The following KMT2A variants were observed in gnomAD, a reference collection of about 807,000 sequenced individuals.
KMT2A encodes the protein lysine methyltransferase 2A.
KMT2A carries 16 observed loss-of-function variants against 345.3 expected under a neutral mutation model. That is an observed-to-expected ratio of 0.05 (90% CI 0.03 to 0.07). KMT2A has a LOEUF of 0.07. Ranked by LOEUF, KMT2A falls within the 10% of genes least tolerant of loss-of-function variation. KMT2A has a pLI of 1.00. For synonymous variants in KMT2A, 1,599 were observed against 1,778.6 expected (o/e 0.90, Z 2.54); for missense variants, 3,272 against 4,841.6 (o/e 0.68, Z 9.62).
rs1950442336 is a variant in KMT2A at position 118,498,284 on chromosome 11, G to A, written c.5803-86G>A. ...GATAAAATGAATTGTAGGAACTGTA[G>A]AATGGGATGAGTCTATAGAGGAGAC... On this transcript the variant is annotated intron_variant, in intron 21 of 35. Coordinates refer to ENST00000534358, the MANE Select transcript of KMT2A (RefSeq NM_001197104.2). The surrounding 1 kb of genome is among the most constrained non-coding windows in gnomAD (Gnocchi z 4.4). 2 of 1,288,524 alleles carry A rather than the reference G, an allele frequency of 1.6e-6. No individual in the cohort carries two copies. Among genetic ancestry groups the A allele is most frequent in the South Asian group, 2.8e-5 (2 of 71,126 alleles). The allele number at this position is 1,288,524 out of a possible 1,614,324, so 79.8% of individuals were successfully genotyped here. A position where few individuals can be genotyped will look rare whatever the true frequency, so the allele number is the denominator to read the frequency against.
At position 118,504,260 on chromosome 11, in the gene KMT2A, A is replaced by G. The variant is rs1369046453; in HGVS notation, c.8368A>G (p.Ser2790Gly). The change falls in exon 27 of 36, where the codon AGC becomes GGC. Residue 2790 changes from serine to glycine, a missense_variant. Around this residue, in one of 27 missense-constraint regions of KMT2A, gnomAD observed 100 missense variants for 101.3 expected, o/e 0.99. Transcript: ENST00000534358. This position sits in a 1 kb window ranked among gnomAD's most constrained non-coding sequence, Gnocchi z 6.4. ...EPKMDNCHSV[S>G]RVKTQGQDSL... is the part of the protein sequence containing the mutation. Reference sequence around the variant, plus strand: ...AAAGATGGATAACTGCCATTCTGTAAGCAGAGTTAAAACACAGGGACAAGA... The same window carrying G: ...AAAGATGGATAACTGCCATTCTGTAGGCAGAGTTAAAACACAGGGACAAGA... 2 of 1,614,076 alleles carry G rather than the reference A, an allele frequency of 1.2e-6. No homozygotes were observed. The highest frequency in any genetic ancestry group is 2.2e-5 in the East Asian group (1 of 44,894).
rs2134261302 is a variant in KMT2A, at chr11:118,472,484, G to A, written c.1325G>A (p.Arg442Gln). 2 of 1,613,282 alleles carry A rather than the reference G, an allele frequency of 1.2e-6. No individual in the cohort carries two copies. The highest frequency in any genetic ancestry group is 1.7e-6 in the Non-Finnish European group (2 of 1,179,798). The change falls in exon 3 of 36, where the codon CGA (arginine) becomes CAA (glutamine). Residue 442 changes from arginine (R) to glutamine (Q), a missense_variant. By Grantham distance (43) the Arg-to-Gln change is conservative. Around this residue, in one of 27 missense-constraint regions of KMT2A, gnomAD observed 180 missense variants for 190.7 expected, o/e 0.94. Transcript: ENST00000534358. The part of the protein sequence containing the change: ...EDYDPPIKIA[R>Q]LESTPNSRFS... ...TATGACCCTCCAATTAAAATTGCCC[G>A]ATTAGAGTCTACACCGAATAGTAGA...
In KMT2A at chr11:118,525,073, C is replaced by T. The variant is rs995289686; in HGVS notation, c.*2901C>T. On this transcript the variant is annotated 3_prime_UTR_variant, in exon 36 of 36. Transcript: ENST00000534358. Reference sequence around the variant, plus strand: ...CCTGCCAGCAACTTGGGGGAATAAGCGAAGGTTTCCCTACAAGAGGGAAAG... The same window carrying T: ...CCTGCCAGCAACTTGGGGGAATAAGTGAAGGTTTCCCTACAAGAGGGAAAG... 1.2e-4 allele frequency: 25 copies of T among 216,760 alleles called. No homozygotes were observed. Among genetic ancestry groups the T allele is most frequent in the Admixed American group, 4.7e-4 (8 of 17,172 alleles). The allele number at this position is 216,760 out of a possible 1,614,324, so 13.4% of individuals were successfully genotyped here.
Position 118,519,608 on chromosome 11 carries a change from A to T in KMT2A, c.11147-10A>T, listed in dbSNP as rs2135281290. ...GCTCCTCACTTCCCTGGTGCTTCTG[A>T]TTCTTCTAGGTGTTAACGGTTTGAG... On this transcript the variant is annotated splice_polypyrimidine_tract_variant and intron_variant, in intron 31 of 35. Coordinates refer to ENST00000534358, the MANE Select transcript of KMT2A (RefSeq NM_001197104.2). 1 of 1,604,776 alleles carries T rather than the reference A, an allele frequency of 6.2e-7. No individual in the cohort carries two copies. Among genetic ancestry groups the T allele is most frequent in the Non-Finnish European group, 8.5e-7 (1 of 1,171,974 alleles).
chr11:118,498,563 A>AG lies in KMT2A; in HGVS notation c.5961+35_5961+36insG. The stretch of plus-strand genomic sequence containing the variant: ...CTTTAGTTGCTTTAAAAAAAAAAAA[A>AG]AAGACTTTTTTAGAGCAGTTTTAGG... On this transcript the variant is annotated intron_variant, in intron 22 of 35. Coordinates refer to ENST00000534358, the MANE Select transcript of KMT2A (RefSeq NM_001197104.2). This position sits in a 1 kb window ranked among gnomAD's most constrained non-coding sequence, Gnocchi z 4.4. The AG allele has an allele frequency of 1.3e-6, 2 of 1,564,132 alleles. No homozygotes were observed. The highest frequency in any genetic ancestry group is 1.7e-6 in the Non-Finnish European group (2 of 1,162,630).
chr11:118,519,803 T>G lies in KMT2A; in HGVS notation c.11321+11T>G. ...TGAAGTCCACCTCAGGCAAGTTCCC[T>G]TCTTTTCTGTCAGCAGTTTTGGGTC... On this transcript the variant is annotated intron_variant, in intron 32 of 35. Transcript: ENST00000534358. The G allele has an allele frequency of 3.7e-6, 6 of 1,606,982 alleles. No individual in the cohort carries two copies. Among genetic ancestry groups the G allele is most frequent in the Non-Finnish European group, 5.1e-6 (6 of 1,173,956 alleles).
At position 118,520,174 on chromosome 11, in the gene KMT2A, A is replaced by G; in HGVS notation, c.11429+110A>G. The stretch of plus-strand genomic sequence containing the variant: ...ATCAGAATTTCCTGGATAAGATTTA[A>G]AAGGACTGAAAACCATTTGTGTTGA... On this transcript the variant is annotated intron_variant, in intron 33 of 35. Transcript: ENST00000534358. The surrounding 1 kb of genome is among the most constrained non-coding windows in gnomAD (Gnocchi z 4.3). 1.4e-6 allele frequency: 1 copy of G among 715,926 alleles called. No homozygotes were observed. The highest frequency in any genetic ancestry group is 1.8e-5 in the South Asian group (1 of 55,122). The allele number at this position is 715,926 out of a possible 1,614,324, so 44.3% of individuals were successfully genotyped here.
At chr11:118,482,812 G>A (rs1591386256) in intron 8 of KMT2A, among the ~76,000 whole-genome samples, 1 of 151,634 alleles carries the variant, frequency 6.6e-6, no homozygotes, top group Non-Finnish European at 1.5e-5. Context: ...GTTGCGTGTA[G>A]TCCCAGGTAC....
In KMT2A at chr11:118,499,769, G is replaced by T; in HGVS notation, c.6080-66G>T. The T allele has an allele frequency of 2.5e-6, 3 of 1,204,686 alleles. No individual in the cohort carries two copies. The South Asian group carries it at 3.7e-5, about 15-fold the overall frequency. 74.6% of individuals were successfully genotyped at this position (1,204,686 alleles called of 1,614,324 possible). A position where few individuals can be genotyped will look rare whatever the true frequency, so the allele number is the denominator to read the frequency against. On this transcript the variant is annotated intron_variant, in intron 23 of 35. Transcript: ENST00000534358. ...CATTCCAGCCTGGGCGACAGAGTGAGACTCTCTCAAAAAAATAAAATGACG... is the reference window on the plus strand; with the variant it reads ...CATTCCAGCCTGGGCGACAGAGTGATACTCTCTCAAAAAAATAAAATGACG...
intron 11 of KMT2A, 68 bp downstream of exon 11, chr11:118,488,828 A>T: frequency 2.0e-6 from 3 of 1,470,126 alleles, no homozygotes; most frequent in Non-Finnish European, 2.8e-6. Flanking sequence ...CCTGGACTCA[A>T]CCAACCTTGG....
chr11:118,455,101 C>G (rs1555030383), intron 1 of KMT2A, among the ~76,000 whole-genome samples: 1 of 152,192 alleles, frequency 6.6e-6, no homozygotes, highest in Non-Finnish European at 1.5e-5. Context: ...AGTCAGTTCA[C>G]TGCAGCCTCA....
rs73022015 is a variant in KMT2A, at chr11:118,512,803, G to T, written c.11146+778G>T. ...CTTTGCCAACACTTACCTGTTTTTT[G>T]TTTTTTTTTTTTTATTTTAGACATT... On this transcript the variant is annotated intron_variant, in intron 31 of 35. Coordinates refer to ENST00000534358, the MANE Select transcript of KMT2A (RefSeq NM_001197104.2). 6.8e-3 allele frequency among the ~76,000 whole-genome samples: 890 copies of T among 130,226 alleles called. 5 individuals carry two copies. Among genetic ancestry groups the T allele is most frequent in the Middle Eastern group, 0.017 (4 of 240 alleles). The allele number at this position is 130,226 out of a possible 152,430, so 85.4% of individuals were successfully genotyped here.
In KMT2A at chr11:118,488,775, A is replaced by C. The variant is rs1950275032; in HGVS notation, c.4479+15A>C. ...AGGCTACAAAGGTACAAAACTTGGT[A>C]ATAGAACTACAGCTGGGCCTCTGTA... On this transcript the variant is annotated intron_variant, in intron 11 of 35. Coordinates refer to ENST00000534358, the MANE Select transcript of KMT2A (RefSeq NM_001197104.2). 1 of 1,613,510 alleles carries C rather than the reference A, an allele frequency of 6.2e-7. No individual in the cohort carries two copies. The highest frequency in any genetic ancestry group is 1.7e-5 in the Admixed American group (1 of 59,968).
At chr11:118,445,058 T>C (rs1949390638) in intron 1 of KMT2A, among the ~76,000 whole-genome samples, 1 of 152,162 alleles carries the variant, frequency 6.6e-6, no homozygotes, top group Non-Finnish European at 1.5e-5. Flanking sequence ...AGGGTTATAA[T>C]CTTTTTTTTT....
chr11:118,484,452 T>G lies in KMT2A; in HGVS notation c.4218+138T>G, dbSNP rs1950195472. 4.6e-6 allele frequency: 4 copies of G among 875,014 alleles called. No homozygotes were observed. In the South Asian group the frequency reaches 7.0e-5, roughly 15 times the overall value. 54.2% of individuals were successfully genotyped at this position (875,014 alleles called of 1,614,324 possible). ...TAAGAACTCCCATTAGCAGGTGGGT[T>G]TAGCGCTGGGAGAGCTTTGGTCAGT... On this transcript the variant is annotated intron_variant, in intron 9 of 35. Transcript: ENST00000534358. The surrounding 1 kb of genome is among the most constrained non-coding windows in gnomAD (Gnocchi z 4.1).
Position 118,436,691 on chromosome 11 carries a change from TGGCGGCCGC to T in KMT2A, c.186_194del (p.Ala65_Ala67del). The T allele has an allele frequency of 3.8e-6, 5 of 1,299,416 alleles. No homozygotes were observed. Among genetic ancestry groups the T allele is most frequent in the Non-Finnish European group, 4.9e-6 (5 of 1,020,560 alleles). 80.5% of individuals were successfully genotyped at this position (1,299,416 alleles called of 1,614,324 possible). A position where few individuals can be genotyped will look rare whatever the true frequency, so the allele number is the denominator to read the frequency against. ...GGGGCGCCCCCCTCCCCCCCGGCTG[TGGCGGCCGC>T]GGCGGCGGCGGCGGGAAGCAGCGGG... On this transcript the variant is annotated inframe_deletion, in exon 1 of 36. Transcript: ENST00000534358. This position sits in a 1 kb window ranked among gnomAD's most constrained non-coding sequence, Gnocchi z 6.9.
intron 15 of KMT2A, 83 bp from the exon 16 acceptor site, chr11:118,492,974 C>T: frequency 1.1e-5 from 11 of 1,029,690 alleles, no homozygotes; most frequent in South Asian, 1.6e-5. Flanking sequence ...CATTCAGTAC[C>T]ATCTTTATTA....
At chr11:118,478,248 G>A in intron 5 of KMT2A, 47 bp downstream of exon 5, 3 of 1,456,456 alleles carry the variant, frequency 2.1e-6, no homozygotes, top group Non-Finnish European at 2.8e-6. Flanking sequence ...AACCATAAAG[G>A]TTGCTTATTT....
intron 1 of KMT2A, among the ~76,000 whole-genome samples, chr11:118,466,313 G>C (rs1278822990): frequency 6.6e-6 from 1 of 152,156 alleles, no homozygotes; most frequent in African/African-American, 2.4e-5. Context: ...CTGAGTGACA[G>C]AGTGAGCACT....
Sources: gnomAD v4.1 joint callset for allele counts (sites outside exome capture counted in the v4.1 genomes callset) on GRCh38, gnomAD v4.1.1 for gene constraint, gnomAD v4.1.1 regional missense constraint, Gnocchi (gnomAD v3.1) non-coding constraint, MANE v1.5 for transcripts, NCBI Gene and HGNC (gene_info 2026-07-23, HGNC 2026-07-21) for gene names.